Variants in EYS observed in about 807,000 individuals in gnomAD.
EYS encodes the protein EGF-like photoreceptor maintenance factor.
EYS carries 250 observed loss-of-function variants against 282.1 expected under a neutral mutation model. That is an observed-to-expected ratio of 0.89 (90% CI 0.80 to 0.98). EYS has a LOEUF of 0.98. Ranked by LOEUF, EYS falls within the 50% of genes least tolerant of loss-of-function variation. EYS has a pLI of 0.00. For missense variants in EYS, 4,016 were observed against 3,709.0 expected (o/e 1.08, Z -2.15); for synonymous variants, 1,355 against 1,282.9 (o/e 1.06, Z -1.20).
At position 64,554,280 on chromosome 6, in the gene EYS, T is replaced by C. The variant is rs562991567; in HGVS notation, c.5644+35943A>G. 1.0e-3 allele frequency among the ~76,000 whole-genome samples: 157 copies of C among 152,182 alleles called. No individual in the cohort carries two copies. In the Middle Eastern group the frequency reaches 0.02, roughly 20 times the overall value. On this transcript the variant is annotated intron_variant, in intron 26 of 42. Transcript: ENST00000503581. ...TCCATTTTCTGCTATACCATAGAAA[T>C]AACTCTAAATACTAAAATGTATAAA...
intron 13 of EYS, among the ~76,000 whole-genome samples, chr6:65,052,015 A>T (rs1335170692): frequency 6.6e-6 from 1 of 151,582 alleles, no homozygotes; most frequent in Non-Finnish European, 1.5e-5. Context: ...TGTCAGGAAC[A>T]ACATTTACAT....
intron 1 of EYS, among the ~76,000 whole-genome samples, chr6:65,674,632 C>A (rs910961658): frequency 6.6e-6 from 1 of 151,770 alleles, no homozygotes; most frequent in Non-Finnish European, 1.5e-5. Flanking sequence ...CTATATGGAA[C>A]AAATCTGTCC....
intron 12 of EYS, among the ~76,000 whole-genome samples, chr6:65,235,527 A>G (rs895897906): frequency 6.6e-6 from 1 of 152,194 alleles, no homozygotes; most frequent in Non-Finnish European, 1.5e-5. Context: ...CATAATGCCA[A>G]GAGGTACAAG....
chr6:64,273,809 C>A (rs1413268548), intron 30 of EYS, among the ~76,000 whole-genome samples: 2 of 152,176 alleles, frequency 1.3e-5, no homozygotes, highest in East Asian at 3.9e-4. Context: ...TTCCTCATGG[C>A]AAAGTGACTT....
Position 65,672,871 on chromosome 6 carries a change from G to C in EYS, c.-447-32979C>G, listed in dbSNP as rs967300781. 2.0e-5 allele frequency among the ~76,000 whole-genome samples: 3 copies of C among 152,060 alleles called. No individual in the cohort carries two copies. In the East Asian group the frequency reaches 5.8e-4, roughly 30 times the overall value. On this transcript the variant is annotated intron_variant, in intron 1 of 42. Transcript: ENST00000503581. ...GGCTGAGTCCAAAAAGAGAGTCAGT[G>C]AAGGGAGATGGGGTGTGGCCATTTT...
intron 5 of EYS, among the ~76,000 whole-genome samples, chr6:65,445,687 A>C (rs1388268093): frequency 6.6e-6 from 1 of 151,796 alleles, no homozygotes; most frequent in Non-Finnish European, 1.5e-5. Flanking sequence ...ATAAACCAAA[A>C]AGGTATTCTT....
chr6:63,815,863 A>G (rs960129234), intron 36 of EYS, among the ~76,000 whole-genome samples: 3 of 152,198 alleles, frequency 2.0e-5, no homozygotes, highest in Admixed American at 6.5e-5. Context: ...TTGGTATTGT[A>G]TAAAAGATTA....
At chr6:64,196,749 T>C (rs1209139536) in intron 31 of EYS, among the ~76,000 whole-genome samples, 1 of 72,932 alleles carries the variant, frequency 1.4e-5, no homozygotes, top group Admixed American at 1.7e-4. Flanking sequence ...TGTGGTGGGG[T>C]GGAGGGAGGG....
chr6:65,225,618 G>A (rs911548514), intron 12 of EYS, among the ~76,000 whole-genome samples: 1 of 151,662 alleles, frequency 6.6e-6, no homozygotes, highest in Non-Finnish European at 1.5e-5. Flanking sequence ...GGAGGCTGAG[G>A]CAGGAGAATT....
At chr6:63,859,639 C>T (rs1298238906) in intron 36 of EYS, among the ~76,000 whole-genome samples, 2 of 139,690 alleles carry the variant, frequency 1.4e-5, no homozygotes, top group Admixed American at 1.4e-4. Flanking sequence ...CTACTGCCAC[C>T]AGAAAAAAAA....
intron 22 of EYS, among the ~76,000 whole-genome samples, chr6:64,648,204 G>C (rs1458085507): frequency 6.6e-6 from 1 of 152,054 alleles, no homozygotes; most frequent in Non-Finnish European, 1.5e-5. Context: ...TAAAAACTAG[G>C]GGCAGAAACA....
chr6:64,711,302 G>A (rs1771204471), intron 22 of EYS, among the ~76,000 whole-genome samples: 2 of 152,146 alleles, frequency 1.3e-5, no homozygotes, highest in Non-Finnish European at 2.9e-5. Flanking sequence ...TTTGTATTAA[G>A]ACAGTTGACA....
intron 29 of EYS, among the ~76,000 whole-genome samples, chr6:64,373,046 T>A (rs979667496): frequency 6.6e-6 from 1 of 152,206 alleles, no homozygotes; most frequent in Non-Finnish European, 1.5e-5. Flanking sequence ...TCCATATTCT[T>A]AATTATGTTT....
At chr6:65,010,529 G>A (rs750511012) in intron 13 of EYS, among the ~76,000 whole-genome samples, 38 of 152,306 alleles carry the variant, frequency 2.5e-4, no homozygotes, top group Middle Eastern at 6.8e-3. Flanking sequence ...CACTTGAGGG[G>A]ACATTTTAGA....
chr6:64,123,630 A>C (rs984394932), intron 31 of EYS, among the ~76,000 whole-genome samples: 29 of 152,198 alleles, frequency 1.9e-4, no homozygotes, highest in African/African-American at 6.3e-4. Context: ...GATATTTTTC[A>C]GATTAAATCA....
At chr6:64,107,392 G>A (rs1773065964) in intron 31 of EYS, among the ~76,000 whole-genome samples, 1 of 150,148 alleles carries the variant, frequency 6.7e-6, no homozygotes, top group African/African-American at 2.5e-5. Flanking sequence ...GGAGCAAGGA[G>A]AGCCAGTCCA....
At chr6:64,738,514 C>A (rs1772261436) in intron 22 of EYS, among the ~76,000 whole-genome samples, 1 of 152,034 alleles carries the variant, frequency 6.6e-6, no homozygotes, top group South Asian at 2.1e-4. Flanking sequence ...CTCTTTATGG[C>A]AGTGAAAAAC....
chr6:65,395,169 T>C (rs958857883), intron 7 of EYS, among the ~76,000 whole-genome samples: 1 of 152,210 alleles, frequency 6.6e-6, no homozygotes, highest in Non-Finnish European at 1.5e-5. Context: ...ATTCTATTGA[T>C]TCTCCTGCCT....
intron 26 of EYS, among the ~76,000 whole-genome samples, chr6:64,531,942 C>T (rs1764356089): frequency 6.6e-6 from 1 of 152,102 alleles, no homozygotes; most frequent in African/African-American, 2.4e-5. Flanking sequence ...TTCAAGTCCT[C>T]TGGGCCTTTA....
Sources: gnomAD v4.1 joint callset for allele counts (sites outside exome capture counted in the v4.1 genomes callset) on GRCh38, gnomAD v4.1.1 for gene constraint, MANE v1.5 for transcripts, NCBI Gene and HGNC (gene_info 2026-07-23, HGNC 2026-07-21) for gene names.